Variants in FBN1 observed in about 807,000 individuals in gnomAD.
FBN1 encodes the protein fibrillin-1.
Under a neutral mutation model 365.1 loss-of-function variants are expected in FBN1, and 29 were observed. The ratio of observed to expected loss-of-function variants is 0.08; its 90% confidence interval spans 0.06 to 0.11. FBN1 has a LOEUF of 0.11. FBN1 is among the 10% of genes least tolerant of loss of function. The probability of loss-of-function intolerance (pLI) is 1.00; values close to 1 mark genes in which losing one functional copy is unlikely to be tolerated. For synonymous variants in FBN1, 1,210 were observed against 1,270.5 expected (o/e 0.95, Z 1.01); for missense variants, 2,476 against 3,703.2 (o/e 0.67, Z 8.60).
At chr15:48,568,289 T>G (rs1264645304) in intron 6 of FBN1, among the ~76,000 whole-genome samples, 1 of 152,010 alleles carries the variant, frequency 6.6e-6, no homozygotes, top group African/African-American at 2.4e-5. Flanking sequence ...GGAATAAGAT[T>G]TATAGTAATA....
intron 44 of FBN1, among the ~76,000 whole-genome samples, chr15:48,454,167 G>T (rs1306130821): frequency 1.3e-5 from 2 of 152,186 alleles, no homozygotes; most frequent in Non-Finnish European, 2.9e-5. Flanking sequence ...TTCTGACTTG[G>T]CATGTCTGGA....
intron 2 of FBN1, chr15:48,643,193 A>T (rs1443261259): frequency 6.6e-6 from 1 of 152,258 alleles, no homozygotes; most frequent in Non-Finnish European, 1.5e-5. Flanking sequence ...TTGAGAACAT[A>T]TGAAAATCAG....
In FBN1 at chr15:48,613,062, A is replaced by G. The variant is rs759873157; in HGVS notation, c.195T>C (p.Ala65=). The change falls in exon 3 of 66, where the codon GCT becomes GCC. Residue 65 remains alanine (A), a synonymous_variant. Coordinates refer to ENST00000316623, the MANE Select transcript of FBN1 (RefSeq NM_000138.5). ...GPNVCGSRYN[A]YCCPGWKTLP... ...AGGTTTTCCATCCAGGGCAACAGTA[A>G]GCATTATAACGTGATCCACAGACAT... 1 of 1,613,696 alleles carries G rather than the reference A, an allele frequency of 6.2e-7. No homozygotes were observed. Among genetic ancestry groups the G allele is most frequent in the South Asian group, 1.1e-5 (1 of 91,088 alleles).
At chr15:48,635,104 T>C (rs574627367) in intron 2 of FBN1, among the ~76,000 whole-genome samples, 3 of 152,360 alleles carry the variant, frequency 2.0e-5, no homozygotes, top group South Asian at 4.1e-4. Context: ...AATGTAAGTA[T>C]GACTGATGGT....
chr15:48,490,065 T>A lies in FBN1; in HGVS notation c.2868A>T (p.Glu956Asp). The change falls in exon 25 of 66, where the codon GAA becomes GAT. Residue 956 changes from glutamate (E) to aspartate (D), a missense_variant. Coordinates refer to ENST00000316623, the MANE Select transcript of FBN1 (RefSeq NM_000138.5). ...CGTCCTCGTACCTCAGGAAGCAGGT[T>A]TCCAGGCGGATATCTGTCAGAGGGA... ...TGRICLDIRL[E>D]TCFLRYEDEE... 1 of 1,614,132 alleles carries A rather than the reference T, an allele frequency of 6.2e-7. No individual in the cohort carries two copies. The highest frequency in any genetic ancestry group is 8.5e-7 in the Non-Finnish European group (1 of 1,180,020).
intron 9 of FBN1, among the ~76,000 whole-genome samples, chr15:48,525,703 T>C (rs943868386): frequency 2.0e-5 from 3 of 152,160 alleles, no homozygotes; most frequent in Non-Finnish European, 4.4e-5. Flanking sequence ...TTTAGGAAGA[T>C]AAATCTGACA....
chr15:48,520,973 G>A (rs1597584305), intron 9 of FBN1, among the ~76,000 whole-genome samples, 156 bp from the exon 10 acceptor site: 1 of 152,206 alleles, frequency 6.6e-6, no homozygotes, highest in Non-Finnish European at 1.5e-5. Flanking sequence ...GCGCTGCACA[G>A]GAACAGTGCT....
chr15:48,513,382 T>C (rs2043775932), intron 13 of FBN1, among the ~76,000 whole-genome samples, 167 bp downstream of exon 13: 1 of 152,210 alleles, frequency 6.6e-6, no homozygotes, highest in South Asian at 2.1e-4. Flanking sequence ...CCAGATTTTA[T>C]GACACTGTCT....
At chr15:48,611,422 A>G (rs775301125) in intron 3 of FBN1, among the ~76,000 whole-genome samples, 7 of 152,048 alleles carry the variant, frequency 4.6e-5, no homozygotes, top group Non-Finnish European at 1.0e-4. Context: ...CACCATGCCC[A>G]GCTAATTTTT....
rs558426880 is a variant in FBN1, at chr15:48,410,945, T to A, written c.*45A>T. ...TTGGGGGAAAATATAGTTCTACCTA[T>A]CTATATTTGTTTTTCTTTTAATTAT... On this transcript the variant is annotated 3_prime_UTR_variant, in exon 66 of 66. Transcript: ENST00000316623. The A allele has an allele frequency of 6.6e-7, 1 of 1,509,062 alleles. No homozygotes were observed. The highest frequency in any genetic ancestry group is 9.2e-7 in the Non-Finnish European group (1 of 1,090,032). The allele number at this position is 1,509,062 out of a possible 1,614,324, so 93.5% of individuals were successfully genotyped here.
At chr15:48,435,738 GTGTGTATATATATGTGTGTATATATA>G (rs1216133085) in intron 53 of FBN1, among the ~76,000 whole-genome samples, 3 of 103,164 alleles carry the variant, frequency 2.9e-5, no homozygotes, top group Non-Finnish European at 4.9e-5. Flanking sequence ...GTATATATAT[GTGTGTATATATATGTGTGTATATATA>G]TGTGTATATG....
intron 6 of FBN1, among the ~76,000 whole-genome samples, chr15:48,557,046 C>A (rs1174394906): frequency 6.6e-6 from 1 of 152,036 alleles, no homozygotes; most frequent in African/African-American, 2.4e-5. Flanking sequence ...GGTACCTGAA[C>A]CCAAGATTGA....
intron 30 of FBN1, 56 bp downstream of exon 30, chr15:48,485,318 A>T: frequency 1.2e-6 from 2 of 1,613,370 alleles, no homozygotes; most frequent in South Asian, 2.2e-5. Context: ...TGGGCCCTAA[A>T]CTACTTTACT....
chr15:48,500,564 C>T (rs1223815569), intron 17 of FBN1, among the ~76,000 whole-genome samples: 2 of 152,102 alleles, frequency 1.3e-5, no homozygotes, highest in East Asian at 3.9e-4. Flanking sequence ...ACAGCTCAGG[C>T]CCTGAATAAA....
Position 48,448,795 on chromosome 15 carries a change from T to C in FBN1, c.5644A>G (p.Thr1882Ala), listed in dbSNP as rs775867192. 3 of 1,613,050 alleles carry C rather than the reference T, an allele frequency of 1.9e-6. No individual in the cohort carries two copies. Among genetic ancestry groups the C allele is most frequent in the Non-Finnish European group, 2.5e-6 (3 of 1,179,290 alleles). The change falls in exon 46 of 66, where the codon ACA becomes GCA. Residue 1882 changes from threonine to alanine, a missense_variant. Around this residue, in one of 5 missense-constraint regions of FBN1, gnomAD observed 1,780 missense variants for 2,840.8 expected, o/e 0.63. Transcript: ENST00000316623. Reference sequence around the variant, plus strand: ...AAGCACATGGTTTGGTCATCATTTGTTTTAAAACCAGTGTGGCAAAGGCAA... The same window carrying C: ...AAGCACATGGTTTGGTCATCATTTGCTTTAAAACCAGTGTGGCAAAGGCAA... ...FYCLCHTGFK[T>A]NDDQTMCLDI...
At chr15:48,582,026 A>T (rs2044396819) in intron 6 of FBN1, among the ~76,000 whole-genome samples, 1 of 152,208 alleles carries the variant, frequency 6.6e-6, no homozygotes, top group Admixed American at 6.5e-5. Context: ...GATGACATAA[A>T]TGTGGCATCT....
intron 53 of FBN1, among the ~76,000 whole-genome samples, chr15:48,435,315 T>C (rs2043057149): frequency 6.6e-6 from 1 of 151,062 alleles, no homozygotes. Context: ...GAGTAGATGC[T>C]CTAAGGGTTA....
chr15:48,585,571 G>A (rs1325078119), intron 6 of FBN1, among the ~76,000 whole-genome samples: 1 of 152,080 alleles, frequency 6.6e-6, no homozygotes, highest in East Asian at 1.9e-4. Flanking sequence ...CCCTCTCATC[G>A]ACTTCAAGAG....
chr15:48,630,744 A>AG (rs1190948938), intron 2 of FBN1, among the ~76,000 whole-genome samples: 1 of 150,982 alleles, frequency 6.6e-6, no homozygotes, highest in African/African-American at 2.4e-5. Flanking sequence ...AAAAAAAAAA[A>AG]AAAAAAGAAA....
Sources: gnomAD v4.1 joint callset for allele counts (sites outside exome capture counted in the v4.1 genomes callset) on GRCh38, gnomAD v4.1.1 for gene constraint, gnomAD v4.1.1 regional missense constraint, MANE v1.5 for transcripts, NCBI Gene and HGNC (gene_info 2026-07-23, HGNC 2026-07-21) for gene names.